The following BMP6 variants were observed in gnomAD, a reference collection of about 807,000 sequenced individuals.
The protein encoded by BMP6 is VG-1-R.
A neutral mutation model predicts 54.1 loss-of-function variants in BMP6; 17 were observed. The ratio of observed to expected loss-of-function variants is 0.31; its 90% CI spans 0.22 to 0.47. BMP6 has a LOEUF of 0.47. Among genes scored for constraint, BMP6 ranks in the 20% least tolerant of loss-of-function variants. The pLI is 1.00. For missense variants in BMP6, 720 were observed against 690.4 expected, an observed-to-expected ratio of 1.04 and a Z score of -0.48; for synonymous variants, 328 against 291.2, an observed-to-expected ratio of 1.13 and a Z score of -1.28.
intron 4 of BMP6, among the ~76,000 whole-genome samples, chr6:7,870,669 C>T (rs1759510364): frequency 6.6e-6 from 1 of 152,160 alleles, no homozygotes; most frequent in Non-Finnish European, 1.5e-5. Flanking sequence ...CACTCTGTTG[C>T]CAGACTGGAG....
chr6:7,735,148 G>C (rs1761933621), intron 1 of BMP6, among the ~76,000 whole-genome samples: 1 of 152,232 alleles, frequency 6.6e-6, no homozygotes, highest in Non-Finnish European at 1.5e-5. Context: ...GCTCCACCCT[G>C]ACCTCCGATA....
intron 1 of BMP6, among the ~76,000 whole-genome samples, chr6:7,778,728 T>C (rs1315576172): frequency 6.6e-6 from 1 of 152,218 alleles, no homozygotes; most frequent in African/African-American, 2.4e-5. Context: ...CTGTATGAAG[T>C]GACTTCTGAA....
At chr6:7,877,780 C>A (rs545969998) in intron 4 of BMP6, among the ~76,000 whole-genome samples, 1 of 152,332 alleles carries the variant, frequency 6.6e-6, no homozygotes, top group African/African-American at 2.4e-5. Context: ...GGATAGCCTG[C>A]AAATGACCTA....
intron 2 of BMP6, among the ~76,000 whole-genome samples, chr6:7,857,518 C>T (rs1356254971): frequency 6.6e-6 from 1 of 152,180 alleles, no homozygotes; most frequent in East Asian, 1.9e-4. Context: ...TATGTCACCT[C>T]AATAGGAAGG....
intron 2 of BMP6, among the ~76,000 whole-genome samples, chr6:7,850,962 T>C (rs1759133598): frequency 1.3e-5 from 2 of 152,220 alleles, no homozygotes; most frequent in Admixed American, 6.5e-5. Flanking sequence ...ATTTTTTGGA[T>C]CTTCTGTTCC....
chr6:7,779,276 T>C (rs1315446821), intron 1 of BMP6, among the ~76,000 whole-genome samples: 1 of 152,188 alleles, frequency 6.6e-6, no homozygotes, highest in African/African-American at 2.4e-5. Context: ...TCAGCTCCAC[T>C]CTACACCTGG....
intron 1 of BMP6, among the ~76,000 whole-genome samples, chr6:7,806,799 T>C (rs1201616569): frequency 1.3e-5 from 2 of 152,188 alleles, no homozygotes; most frequent in Non-Finnish European, 1.5e-5. Context: ...ATTGGATTGC[T>C]AAATAATTTT....
At chr6:7,733,964 C>G (rs926939351) in intron 1 of BMP6, among the ~76,000 whole-genome samples, 5 of 152,168 alleles carry the variant, frequency 3.3e-5, no homozygotes, top group Admixed American at 6.5e-5. Context: ...TGCATTCCCC[C>G]TGTTCACCTT....
At chr6:7,829,059 C>A (rs931337279) in intron 1 of BMP6, among the ~76,000 whole-genome samples, 14 of 152,184 alleles carry the variant, frequency 9.2e-5, no homozygotes, top group African/African-American at 3.4e-4. Flanking sequence ...AAGGAATTGG[C>A]CTCTCAGTTA....
intron 1 of BMP6, among the ~76,000 whole-genome samples, chr6:7,771,250 T>C (rs1272493028): frequency 6.6e-6 from 1 of 152,232 alleles, no homozygotes; most frequent in Non-Finnish European, 1.5e-5. Context: ...GGAATCCAGA[T>C]GTCAGCTGGG....
chr6:7,814,706 G>A (rs1375736791), intron 1 of BMP6, among the ~76,000 whole-genome samples: 3 of 152,158 alleles, frequency 2.0e-5, no homozygotes, highest in Non-Finnish European at 4.4e-5. Context: ...CATTAAGTAT[G>A]TAGCTTGATC....
At chr6:7,834,124 C>T (rs553221163) in intron 1 of BMP6, among the ~76,000 whole-genome samples, 9 of 150,464 alleles carry the variant, frequency 6.0e-5, no homozygotes, top group South Asian at 2.1e-4. Flanking sequence ...CACATTAAGC[C>T]GGGACTGTCA....
At chr6:7,795,403 T>C (rs1758177319) in intron 1 of BMP6, among the ~76,000 whole-genome samples, 1 of 152,086 alleles carries the variant, frequency 6.6e-6, no homozygotes, top group South Asian at 2.1e-4. Flanking sequence ...TGCTCCAGGC[T>C]GAGGGGATGG....
chr6:7,738,529 G>A (rs1310849561), intron 1 of BMP6, among the ~76,000 whole-genome samples: 1 of 151,998 alleles, frequency 6.6e-6, no homozygotes, highest in African/African-American at 2.4e-5. Flanking sequence ...TAGCCCTCCC[G>A]CTTCTGTGCC....
intron 1 of BMP6, among the ~76,000 whole-genome samples, chr6:7,754,242 C>T (rs938322601): frequency 1.7e-4 from 26 of 152,062 alleles, no homozygotes; most frequent in African/African-American, 4.3e-4. Flanking sequence ...CTCAGCCTCC[C>T]GAGTAGCTGG....
intron 1 of BMP6, among the ~76,000 whole-genome samples, chr6:7,767,703 A>G (rs1364356365): frequency 2.6e-5 from 4 of 152,138 alleles, no homozygotes; most frequent in Non-Finnish European, 5.9e-5. Context: ...AGTCCTACTT[A>G]TTTTAATTTC....
intron 1 of BMP6, among the ~76,000 whole-genome samples, chr6:7,793,014 A>G (rs1041603040): frequency 6.6e-6 from 1 of 152,154 alleles, no homozygotes. Flanking sequence ...GAATTTCTTT[A>G]TTATCTTATA....
chr6:7,872,094 G>T (rs1188857725), intron 4 of BMP6, among the ~76,000 whole-genome samples: 1 of 151,934 alleles, frequency 6.6e-6, no homozygotes, highest in Non-Finnish European at 1.5e-5. Context: ...TCCTTTCTCT[G>T]CCCTGCCCTT....
At chr6:7,858,669 T>C (rs552806201) in intron 2 of BMP6, among the ~76,000 whole-genome samples, 1 of 151,876 alleles carries the variant, frequency 6.6e-6, no homozygotes, top group African/African-American at 2.4e-5. Context: ...ATGACATAGG[T>C]CCTGCCTTTT....
Sources: gnomAD v4.1 joint callset for allele counts (sites outside exome capture counted in the v4.1 genomes callset) on GRCh38, gnomAD v4.1.1 for gene constraint, MANE v1.5 for transcripts, NCBI Gene and HGNC (gene_info 2026-07-23, HGNC 2026-07-21) for gene names.